TSHR: variants seen among roughly 807,000 people sequenced by gnomAD.
TSHR encodes the protein thyroid stimulating hormone receptor.
TSHR carries 51 observed loss-of-function variants against 64.1 expected under a neutral mutation model. The ratio of observed to expected loss-of-function variants is 0.80; its 90% CI spans 0.64 to 1.01. The LOEUF is 1.01. TSHR is among the 50% of genes least tolerant of loss of function. The pLI is 0.00. For synonymous variants in TSHR, 361 were observed against 361.9 expected (o/e 1.00, Z 0.03); for missense variants, 877 against 942.8 (o/e 0.93, Z 0.91).
chr14:81,013,304 T>TCTGTTTTGGTGCCAGTACCATG (rs1453029282), intron 1 of TSHR: 1 of 152,262 alleles, frequency 6.6e-6, no homozygotes, highest in Non-Finnish European at 1.5e-5. Context: ...GATCTATGTC[T>TCTGTTTTGGTGCCAGTACCATG]CTGTTTTGGT....
At position 81,052,380 on chromosome 14, in the gene TSHR, T is replaced by C. The variant is rs1018449255; in HGVS notation, c.171-9768T>C. ...CAGATATGTGCGTTTATCTGGGGAC[T>C]CTCTACCCTATTCGATTCATTGATG... On this transcript the variant is annotated intron_variant, in intron 1 of 9. Transcript: ENST00000298171. The C allele has an allele frequency of 5.9e-5, 9 of 152,348 alleles. No individual in the cohort carries two copies. The East Asian group carries it at 1.5e-3, about 26-fold the overall frequency. The allele number at this position is 152,348 out of a possible 1,614,324, so 9.4% of individuals were successfully genotyped here.
At chr14:81,112,816 G>A (rs766303221) in intron 8 of TSHR, among the ~76,000 whole-genome samples, 21 of 152,172 alleles carry the variant, frequency 1.4e-4, no homozygotes, top group Middle Eastern at 3.2e-3. Flanking sequence ...TTAGACAAGT[G>A]CAAAGACCCC....
At chr14:81,086,129 G>T (rs954547491) in intron 3 of TSHR, among the ~76,000 whole-genome samples, 2 of 152,096 alleles carry the variant, frequency 1.3e-5, no homozygotes, top group Admixed American at 1.3e-4. Flanking sequence ...AAGATCTTGG[G>T]GTATAAACTG....
rs1273226258 is a variant in TSHR, at chr14:81,037,448, A to AAAAAAAAAAC, written c.171-24698_171-24697insAAAAAAACAA. Among the ~76,000 whole-genome samples the AAAAAAAAAAC allele has an allele frequency of 1.9e-4, 25 of 128,480 alleles. 1 individual carries two copies. Among genetic ancestry groups the AAAAAAAAAAC allele is most frequent in the Non-Finnish European group, 2.9e-4 (16 of 54,342 alleles). 84.3% of individuals were successfully genotyped at this position (128,480 alleles called of 152,430 possible). ...ACAAACAAACAAACAAACAAACAAA[A>AAAAAAAAAAC]AACAGAAAATGATCTAACAAAATGT... On this transcript the variant is annotated intron_variant, in intron 1 of 9. Coordinates refer to ENST00000298171, the MANE Select transcript of TSHR (RefSeq NM_000369.5).
intron 8 of TSHR, among the ~76,000 whole-genome samples, chr14:81,125,919 A>G (rs1352013722): frequency 6.6e-6 from 1 of 151,908 alleles, no homozygotes; most frequent in Non-Finnish European, 1.5e-5. Context: ...GAAGATCATG[A>G]AAGAATTTGA....
chr14:81,102,799 G>C (rs1167014355), intron 7 of TSHR: 1 of 985,266 alleles, frequency 1.0e-6, no homozygotes, highest in Admixed American at 6.2e-5. Flanking sequence ...ATTGTGTGGC[G>C]AAATATGTAC....
chr14:81,132,879 G>A (rs562158412), intron 8 of TSHR, among the ~76,000 whole-genome samples: 2 of 151,776 alleles, frequency 1.3e-5, no homozygotes, highest in East Asian at 3.9e-4. Context: ...ACTACATGTT[G>A]ACAGGTTTAT....
intron 1 of TSHR, among the ~76,000 whole-genome samples, chr14:80,996,788 G>C (rs1990597): frequency 0.17 from 26,271 of 152,050 alleles, 2,791 homozygotes; most frequent in Admixed American, 0.26. Flanking sequence ...GGTGCGGATG[G>C]TGGGATGCAG....
Position 81,143,132 on chromosome 14 carries a change from A to G in TSHR, c.1074A>G (p.Glu358=). Residue 358 remains glutamate, a synonymous_variant, in exon 10 of 10, where the codon GAA becomes GAG. Coordinates refer to ENST00000298171, the MANE Select transcript of TSHR (RefSeq NM_000369.5). ...CTCATTATTACGTCTTCTTTGAAGA[A>G]CAAGAGGATGAGATCATTGGTTTTG... ...NNAHYYVFFE[E]QEDEIIGFGQ... 6.2e-7 allele frequency: 1 copy of G among 1,614,184 alleles called. No homozygotes were observed. The highest frequency in any genetic ancestry group is 8.5e-7 in the Non-Finnish European group (1 of 1,180,032).
chr14:81,003,502 C>A, intron 1 of TSHR: 2 of 222,932 alleles, frequency 9.0e-6, no homozygotes, highest in South Asian at 1.5e-4. Flanking sequence ...TGACATCTTT[C>A]GGATACTTGG....
chr14:81,135,113 A>C (rs1891401648), intron 8 of TSHR, among the ~76,000 whole-genome samples: 1 of 152,216 alleles, frequency 6.6e-6, no homozygotes, highest in Non-Finnish European at 1.5e-5. Flanking sequence ...CCAATTGAAT[A>C]TAAGGGTAGA....
intron 7 of TSHR, chr14:81,104,582 A>C (rs1889776051): frequency 1.0e-6 from 1 of 985,314 alleles, no homozygotes; most frequent in Admixed American, 6.1e-5. Context: ...TCCTTCCTCC[A>C]GCAAGTCTTT....
chr14:81,097,910 A>C (rs973691714), intron 7 of TSHR, among the ~76,000 whole-genome samples: 1 of 151,992 alleles, frequency 6.6e-6, no homozygotes, highest in East Asian at 1.9e-4. Flanking sequence ...CATTTCCATT[A>C]TTTTTTTACT....
Position 81,143,054 on chromosome 14 carries a change from C to T in TSHR, c.996C>T (p.Asp332=), listed in dbSNP as rs1335882597. The T allele has an allele frequency of 5.0e-6, 8 of 1,614,192 alleles. No homozygotes were observed. The highest frequency in any genetic ancestry group is 6.8e-6 in the Non-Finnish European group (8 of 1,180,038). The change falls in exon 10 of 10, where the codon GAC becomes GAT. Residue 332 remains aspartate (D), a synonymous_variant. Transcript: ENST00000298171. The part of the protein sequence containing the change: ...LHQEYEENLG[D]SIVGYKEKSK... ...AGGAATATGAAGAGAATCTGGGTGA[C>T]AGCATTGTTGGGTACAAGGAAAAGT...
intron 1 of TSHR, among the ~76,000 whole-genome samples, chr14:81,004,494 T>C (rs570715416): frequency 3.3e-5 from 5 of 152,340 alleles, no homozygotes; most frequent in South Asian, 2.1e-4. Flanking sequence ...CACACCTCCA[T>C]TGACACTGCA....
intron 3 of TSHR, among the ~76,000 whole-genome samples, chr14:81,077,093 C>T (rs1392332373): frequency 6.6e-6 from 1 of 152,146 alleles, no homozygotes; most frequent in African/African-American, 2.4e-5. Flanking sequence ...ATGACCTACA[C>T]AGAGACACAT....
rs1210736290 is a variant in TSHR at position 81,144,176 on chromosome 14, C to T, written c.2118C>T (p.Tyr706=). ...FGICKRQAQA[Y]RGQRVPPKNS... ...TCTGTAAACGCCAGGCTCAGGCATA[C>T]CGGGGGCAGAGGGTTCCTCCAAAGA... Residue 706 remains tyrosine, a synonymous_variant, in exon 10 of 10, where the codon TAC becomes TAT. Transcript: ENST00000298171. The T allele has an allele frequency of 4.3e-6, 7 of 1,613,988 alleles. No individual in the cohort carries two copies. In the Middle Eastern group the frequency reaches 9.9e-4, roughly 228 times the overall value.
chr14:81,034,447 T>G (rs1208570778), intron 1 of TSHR, among the ~76,000 whole-genome samples: 1 of 152,244 alleles, frequency 6.6e-6, no homozygotes, highest in Non-Finnish European at 1.5e-5. Context: ...GGCAAAATAG[T>G]GAGAACTCAT....
rs146163350 is a variant in TSHR, at chr14:81,102,849, C to T, written c.615-5526C>T. 341 of 985,118 alleles carry T rather than the reference C, an allele frequency of 3.5e-4. 1 individual carries two copies. The African/African-American group carries it at 4.1e-3, about 12-fold the overall frequency. 61.0% of individuals were successfully genotyped at this position (985,118 alleles called of 1,614,324 possible). ...TTTCTGGTAAAGGTTAAAGGGCAAG[C>T]GTGGGATCAAGATAAAAAGTATCTG... On this transcript the variant is annotated intron_variant, in intron 7 of 9. Coordinates refer to ENST00000298171, the MANE Select transcript of TSHR (RefSeq NM_000369.5).
Sources: gnomAD v4.1 joint callset for allele counts (sites outside exome capture counted in the v4.1 genomes callset) on GRCh38, gnomAD v4.1.1 for gene constraint, MANE v1.5 for transcripts, NCBI Gene and HGNC (gene_info 2026-07-23, HGNC 2026-07-21) for gene names.